The following RHOF variants were observed in gnomAD, a reference collection of about 807,000 sequenced individuals.
The protein encoded by RHOF is ras homolog family member F, filopodia associated.
RHOF carries 21 observed loss-of-function variants against 22.2 expected under a neutral mutation model. The ratio of observed to expected loss-of-function variants is 0.95; its 90% confidence interval spans 0.67 to 1.36. The LOEUF (loss-of-function observed/expected upper bound fraction) is 1.36, where lower values mean the gene tolerates loss of function less well. Among genes scored for constraint, RHOF ranks in the 40% most tolerant of loss-of-function variants. The pLI is 0.00. For missense variants in RHOF, 285 were observed against 293.7 expected (o/e 0.97, Z 0.22); for synonymous variants, 135 against 131.2 (o/e 1.03, Z -0.20).
intron 2 of RHOF, among the ~76,000 whole-genome samples, chr12:121,792,040 C>T (rs1013253288): frequency 6.6e-5 from 10 of 152,378 alleles, no homozygotes; most frequent in Admixed American, 2.0e-4. Flanking sequence ...CCTACAGGGC[C>T]CACATCCCAC....
rs780170687 is a variant in RHOF, at chr12:121,793,501, G to A, written c.133C>T (p.Pro45Ser). 2 of 1,542,144 alleles carry A rather than the reference G, an allele frequency of 1.3e-6. No homozygotes were observed. The highest frequency in any genetic ancestry group is 2.4e-5 in the South Asian group (2 of 84,034). Residue 45 changes from proline to serine, a missense_variant, in exon 1 of 5, where the codon CCC (proline) becomes TCC (serine). Physicochemically the swap from Pro to Ser is moderately conservative, Grantham distance 74. Transcript: ENST00000267205. ...LLMVYSQGSF[P>S]EHYAPSVFEK... ...AGCCCCGCTGCGGGCCTCACCTCGG[G>A]GAAGGAGCCCTGGCTGTACACCATG...
At chr12:121,788,316 C>T (rs936047998) in intron 2 of RHOF, among the ~76,000 whole-genome samples, 10 of 152,232 alleles carry the variant, frequency 6.6e-5, no homozygotes, top group East Asian at 1.9e-4. Flanking sequence ...CAGCCCTGAC[C>T]AGGTGAGGAA....
At position 121,779,469 on chromosome 12, in the gene RHOF, G is replaced by A. The variant is rs1874360938; in HGVS notation, c.*29C>T. ...GCACCTGGGCCCCCGGGCCCTGTCA[G>A]TGCTGTCGTGAGGTCTGTCTGCCCT... On this transcript the variant is annotated 3_prime_UTR_variant, in exon 5 of 5. Coordinates refer to ENST00000267205, the MANE Select transcript of RHOF (RefSeq NM_019034.3). 1 of 1,605,730 alleles carries A rather than the reference G, an allele frequency of 6.2e-7. No homozygotes were observed. The highest frequency in any genetic ancestry group is 1.1e-5 in the South Asian group (1 of 91,022).
At chr12:121,788,049 C>T (rs1874658030) in intron 2 of RHOF, among the ~76,000 whole-genome samples, 2 of 152,152 alleles carry the variant, frequency 1.3e-5, no homozygotes, top group South Asian at 4.1e-4. Flanking sequence ...AGGTGTGTAC[C>T]ACTGTGTTAC....
Position 121,781,004 on chromosome 12 carries a change from C to T in RHOF, c.339G>A (p.Trp113Ter). ...GGCAGAAATGCGTGACCTCAGGGAA[C>T]CACTGTGGAGGGAGGAGGCGGGATC... ...PTSYDNVLIKWFPEVTHFCRG... is the reference protein window; with the variant it reads ...PTSYDNVLIK Residue 113 changes from tryptophan to a stop codon, truncating the protein, a stop_gained and splice_region_variant, in exon 4 of 5, where the codon TGG becomes TGA. Transcript: ENST00000267205. LOFTEE classifies it high-confidence loss of function. 1 of 1,613,520 alleles carries T rather than the reference C, an allele frequency of 6.2e-7. No individual in the cohort carries two copies. Among genetic ancestry groups the T allele is most frequent in the Non-Finnish European group, 8.5e-7 (1 of 1,179,606 alleles).
chr12:121,783,097 C>T (rs1432049932), intron 2 of RHOF: 3 of 152,254 alleles, frequency 2.0e-5, no homozygotes, highest in African/African-American at 7.2e-5. Flanking sequence ...GGCATTTCCT[C>T]CACTGCAGAA....
rs570500854 is a variant in RHOF at position 121,778,261 on chromosome 12, G to T, written c.*1237C>A. 6.6e-6 allele frequency: 1 copy of T among 152,096 alleles called. No individual in the cohort carries two copies. Among genetic ancestry groups the T allele is most frequent in the Non-Finnish European group, 1.5e-5 (1 of 68,066 alleles). 9.4% of individuals were successfully genotyped at this position (152,096 alleles called of 1,614,324 possible). On this transcript the variant is annotated 3_prime_UTR_variant, in exon 5 of 5. Transcript: ENST00000267205. ...AGGTCAGGAGTTCAAGACCAGCCTG[G>T]CCAACATGGTGAAACCCTGTCTCTA... is the stretch of plus-strand genomic sequence containing the variant.
intron 2 of RHOF, among the ~76,000 whole-genome samples, chr12:121,792,867 C>T (rs1874798253): frequency 6.6e-6 from 1 of 152,258 alleles, no homozygotes; most frequent in African/African-American, 2.4e-5. Flanking sequence ...AAGAGCAGCC[C>T]ACTGCTTTCT....
At chr12:121,787,482 C>G (rs993492167) in intron 2 of RHOF, among the ~76,000 whole-genome samples, 8 of 152,206 alleles carry the variant, frequency 5.3e-5, no homozygotes, top group Admixed American at 1.3e-4. Context: ...CCCAGCCTTC[C>G]CAACCGGGAA....
chr12:121,793,372 A>AG, intron 1 of RHOF, 124 bp downstream of exon 1: 1 of 1,438,670 alleles, frequency 7.0e-7, no homozygotes, highest in Non-Finnish European at 9.4e-7. Flanking sequence ...GGAATTCCCG[A>AG]GGGGGCGCCC....
chr12:121,783,631 C>A (rs1184266506), intron 2 of RHOF, among the ~76,000 whole-genome samples: 3 of 152,138 alleles, frequency 2.0e-5, no homozygotes, highest in African/African-American at 7.2e-5. Context: ...TACAGGCGCC[C>A]ACCACCACAC....
Position 121,777,893 on chromosome 12 carries a change from C to T in RHOF, c.*1605G>A, listed in dbSNP as rs1236322902. ...GAACAAGAACTCCTTGGTTGATTCC[C>T]CAGGGTACGGCAGGGCCTTGGGAAC... On this transcript the variant is annotated 3_prime_UTR_variant, in exon 5 of 5. Transcript: ENST00000267205. 2.0e-5 allele frequency: 3 copies of T among 152,200 alleles called. No individual in the cohort carries two copies. Among genetic ancestry groups the T allele is most frequent in the Non-Finnish European group, 4.4e-5 (3 of 68,038 alleles). 9.4% of individuals were successfully genotyped at this position (152,200 alleles called of 1,614,324 possible).
At chr12:121,782,179 C>T (rs983054620) in intron 2 of RHOF, 1 of 152,134 alleles carries the variant, frequency 6.6e-6, no homozygotes, top group Non-Finnish European at 1.5e-5. Context: ...AGACATCTGC[C>T]TCTTCACCCC....
rs115852415 is a variant in RHOF at position 121,787,389 on chromosome 12, C to T, written c.226+5763G>A. Among the ~76,000 whole-genome samples the T allele has an allele frequency of 3.6e-3, 552 of 152,322 alleles. 1 individual carries two copies. Among genetic ancestry groups the T allele is most frequent in the African/African-American group, 0.013 (526 of 41,568 alleles). On this transcript the variant is annotated intron_variant, in intron 2 of 4. Transcript: ENST00000267205. ...TTTGTCAAGGTCAGAGACAAGCACC[C>T]TGTGAGCCAGAGGCCAACCAGTCCC...
At chr12:121,787,728 G>A (rs1014926461) in intron 2 of RHOF, among the ~76,000 whole-genome samples, 1 of 151,680 alleles carries the variant, frequency 6.6e-6, no homozygotes, top group African/African-American at 2.4e-5. Context: ...ATGGTGAAAC[G>A]CTGTCTCTAC....
At chr12:121,784,493 C>T (rs1207432794) in intron 2 of RHOF, among the ~76,000 whole-genome samples, 2 of 148,918 alleles carry the variant, frequency 1.3e-5, no homozygotes, top group African/African-American at 2.5e-5. Context: ...TGCAGTGAGC[C>T]GAGATCGTGC....
intron 1 of RHOF, 89 bp downstream of exon 1, chr12:121,793,407 C>T: frequency 1.3e-6 from 2 of 1,504,706 alleles, no homozygotes; most frequent in Non-Finnish European, 1.8e-6. Flanking sequence ...CCTGTCCGTG[C>T]TCGGGACGCT....
At chr12:121,791,031 G>A (rs541616303) in intron 2 of RHOF, among the ~76,000 whole-genome samples, 23 of 147,120 alleles carry the variant, frequency 1.6e-4, no homozygotes, top group East Asian at 6.0e-4. Flanking sequence ...GTGCCAACAC[G>A]CCTGGCTAAT....
intron 2 of RHOF, among the ~76,000 whole-genome samples, chr12:121,789,566 A>G (rs984781499): frequency 6.6e-6 from 1 of 152,146 alleles, no homozygotes; most frequent in Non-Finnish European, 1.5e-5. Flanking sequence ...AGGGAGGGGT[A>G]CTGGCAGCAT....
Sources: gnomAD v4.1 joint callset for allele counts (sites outside exome capture counted in the v4.1 genomes callset) on GRCh38, gnomAD v4.1.1 for gene constraint, MANE v1.5 for transcripts, NCBI Gene and HGNC (gene_info 2026-07-23, HGNC 2026-07-21) for gene names.